CELF2: variants seen among roughly 807,000 people sequenced by gnomAD.
CELF2 encodes CUGBP Elav-like family member 2.
In CELF2, 8 loss-of-function variants were observed where a neutral mutation model predicts 62.6. The observed-to-expected ratio is 0.13, with a 90% CI of 0.07 to 0.23. The LOEUF (loss-of-function observed/expected upper bound fraction) is 0.23. Among genes scored for constraint, CELF2 ranks in the 10% least tolerant of loss-of-function variants. The pLI, the probability that CELF2 is intolerant of heterozygous loss-of-function variation, is 1.00. For synonymous variants in CELF2, 258 were observed against 250.0 expected, an observed-to-expected ratio of 1.03 and a Z score of -0.30; for missense variants, 333 against 671.0, an observed-to-expected ratio of 0.50 and a Z score of 5.56.
At chr10:10,815,647 C>G (rs993326899) in intron 1 of CELF2, among the ~76,000 whole-genome samples, 2 of 152,186 alleles carry the variant, frequency 1.3e-5, no homozygotes, top group African/African-American at 4.8e-5. Flanking sequence ...TCAAGCAGCT[C>G]TCTCCAGAGG....
chr10:10,633,812 T>A, the CELF2 span, among the ~76,000 whole-genome samples: 24 of 151,980 alleles, frequency 1.6e-4, no homozygotes, highest in Non-Finnish European at 5.9e-5. Flanking sequence ...TTGTGATAAT[T>A]ATTATTTAAT....
intron 1 of CELF2, among the ~76,000 whole-genome samples, chr10:11,083,245 A>G (rs1044567792): frequency 8.5e-5 from 13 of 152,216 alleles, no homozygotes; most frequent in African/African-American, 2.9e-4. Context: ...AAGGACCATT[A>G]TCACTTTGAC....
chr10:10,920,077 A>G, intron 2 of CELF2: 1 of 1,027,490 alleles, frequency 9.7e-7, no homozygotes, highest in Non-Finnish European at 1.2e-6. Flanking sequence ...TGTCTTCTGT[A>G]AGAGGTCTTC....
chr10:10,675,628 G>A, the CELF2 span, among the ~76,000 whole-genome samples: 1 of 150,978 alleles, frequency 6.6e-6, no homozygotes, highest in South Asian at 2.1e-4. Flanking sequence ...TTTTCCTATA[G>A]TTCTTGAATA....
At chr10:11,193,944 A>G (rs1053250624) in intron 2 of CELF2, among the ~76,000 whole-genome samples, 2 of 152,224 alleles carry the variant, frequency 1.3e-5, no homozygotes, top group Non-Finnish European at 2.9e-5. Flanking sequence ...TTTAGTTTAA[A>G]TAGTGGTCAC....
At chr10:10,623,618 G>T in the CELF2 span, among the ~76,000 whole-genome samples, 5 of 152,104 alleles carry the variant, frequency 3.3e-5, no homozygotes, top group African/African-American at 1.2e-4. Flanking sequence ...AAAGGATCCA[G>T]GAAGAATGTC....
At chr10:11,155,678 C>T (rs1014940162) in intron 1 of CELF2, among the ~76,000 whole-genome samples, 7 of 152,188 alleles carry the variant, frequency 4.6e-5, no homozygotes, top group Admixed American at 3.9e-4. Context: ...TCCCTCTTCA[C>T]AAGTGGATTC....
At chr10:10,623,363 A>G in the CELF2 span, among the ~76,000 whole-genome samples, 1 of 152,216 alleles carries the variant, frequency 6.6e-6, no homozygotes, top group East Asian at 1.9e-4. Flanking sequence ...TGATTGCAGA[A>G]TTATCATTTA....
intron 1 of CELF2, among the ~76,000 whole-genome samples, chr10:10,836,250 A>G (rs756199665): frequency 3.3e-5 from 5 of 152,042 alleles, no homozygotes; most frequent in Non-Finnish European, 5.9e-5. Context: ...CTGAAGAACC[A>G]CATCACCTAG....
At chr10:11,072,518 G>A (rs1450493922) in intron 1 of CELF2, among the ~76,000 whole-genome samples, 8 of 152,282 alleles carry the variant, frequency 5.3e-5, no homozygotes, top group South Asian at 2.1e-4. Flanking sequence ...GGGAGGCCAC[G>A]GTAGCCACAC....
chr10:11,257,820 T>A lies in CELF2; in HGVS notation c.486T>A (p.Phe162Leu). The A allele has an allele frequency of 6.2e-7, 1 of 1,614,232 alleles. No homozygotes were observed. Among genetic ancestry groups the A allele is most frequent in the Non-Finnish European group, 8.5e-7 (1 of 1,180,036 alleles). The change falls in exon 5 of 13, where the codon TTT (phenylalanine) becomes TTA (leucine). Residue 162 changes from phenylalanine (F) to leucine (L), a missense_variant. By Grantham distance (22) the Phe-to-Leu change is conservative. Transcript: ENST00000633077. ...ENDIRVMFSP[F>L]GQIEECRILR... ...ACATCAGGGTGATGTTCTCTCCATTTGGCCAGATAGAAGAATGCCGGATCC... is the reference window on the plus strand; with the variant it reads ...ACATCAGGGTGATGTTCTCTCCATTAGGCCAGATAGAAGAATGCCGGATCC...
chr10:10,736,662 A>C, the CELF2 span, among the ~76,000 whole-genome samples: 1 of 151,538 alleles, frequency 6.6e-6, no homozygotes. Flanking sequence ...AAGATGATTG[A>C]GTTAAGAGGA....
chr10:10,774,494 T>A, the CELF2 span, among the ~76,000 whole-genome samples: 1 of 152,210 alleles, frequency 6.6e-6, no homozygotes. Flanking sequence ...GTTCTCATGA[T>A]AGAGTTCTTA....
rs2071717529 is a variant in CELF2 at position 11,177,650 on chromosome 10, G to A, written c.271+11968G>A. ...CCTCAACAGCAAAGAAGGAAATAGG[G>A]GCCTTAGTTTTTAAATCCTCTGTAA... On this transcript the variant is annotated intron_variant, in intron 2 of 12. Transcript: ENST00000633077. This position sits in a 1 kb window ranked among gnomAD's most constrained non-coding sequence, Gnocchi z 4.8. Among the ~76,000 whole-genome samples the A allele has an allele frequency of 6.6e-6, 1 of 152,126 alleles. No homozygotes were observed.
intron 1 of CELF2, among the ~76,000 whole-genome samples, chr10:11,094,137 G>A (rs1183944911): frequency 6.6e-6 from 1 of 152,166 alleles, no homozygotes; most frequent in African/African-American, 2.4e-5. Flanking sequence ...TTGCCCTGGT[G>A]TTTATGAAAC....
At chr10:10,573,608 T>C in the CELF2 span, among the ~76,000 whole-genome samples, 2 of 152,210 alleles carry the variant, frequency 1.3e-5, no homozygotes, top group Non-Finnish European at 2.9e-5. Flanking sequence ...TGAGCACATG[T>C]ACTTACATTT....
the CELF2 span, among the ~76,000 whole-genome samples, chr10:10,721,527 T>A: frequency 6.6e-6 from 1 of 152,240 alleles, no homozygotes; most frequent in South Asian, 2.1e-4. Flanking sequence ...ATGCTTCCTC[T>A]CCTCATCAAC....
intron 2 of CELF2, among the ~76,000 whole-genome samples, chr10:11,202,092 G>A (rs2059348197): frequency 6.6e-6 from 1 of 152,142 alleles, no homozygotes; most frequent in Non-Finnish European, 1.5e-5. Context: ...TGGAGTAGCA[G>A]ATTGTTTCAT....
the CELF2 span, among the ~76,000 whole-genome samples, chr10:10,589,697 C>T: frequency 6.6e-6 from 1 of 152,084 alleles, no homozygotes; most frequent in Admixed American, 6.6e-5. Flanking sequence ...CTTTCCCCCA[C>T]AAGAAAAGAC....
Sources: gnomAD v4.1 joint callset for allele counts (sites outside exome capture counted in the v4.1 genomes callset) on GRCh38, gnomAD v4.1.1 for gene constraint, Gnocchi (gnomAD v3.1) non-coding constraint, MANE v1.5 for transcripts, NCBI Gene and HGNC (gene_info 2026-07-23, HGNC 2026-07-21) for gene names.